Variants in FAF1 observed in about 807,000 individuals in gnomAD.
FAF1 encodes FAS-associated factor 1.
In FAF1, 25 loss-of-function variants were observed where a neutral mutation model predicts 92.5. The ratio of observed to expected loss-of-function variants is 0.27; its 90% CI spans 0.20 to 0.38. The LOEUF (loss-of-function observed/expected upper bound fraction) is 0.38. Ranked by LOEUF, FAF1 falls within the 10% of genes least tolerant of loss-of-function variation. The probability of loss-of-function intolerance (pLI) is 1.00; values close to 1 mark genes in which losing one functional copy is unlikely to be tolerated. For synonymous variants in FAF1, 234 were observed against 273.2 expected, an observed-to-expected ratio of 0.86 and a Z score of 1.42; for missense variants, 636 against 793.3, an observed-to-expected ratio of 0.80 and a Z score of 2.38.
intron 18 of FAF1, among the ~76,000 whole-genome samples, chr1:50,457,095 T>C (rs754921558): frequency 6.7e-6 from 1 of 148,828 alleles, no homozygotes; most frequent in East Asian, 2.0e-4. Context: ...AATGCATGCA[T>C]GAGGAAGGCT....
At chr1:50,621,325 T>C (rs1454257271) in intron 8 of FAF1, among the ~76,000 whole-genome samples, 1 of 150,764 alleles carries the variant, frequency 6.6e-6, no homozygotes, top group Non-Finnish European at 1.5e-5. Context: ...CAGGAGCCAG[T>C]GAGCAGGAGG....
At chr1:50,894,828 A>G (rs1220169015) in intron 1 of FAF1, among the ~76,000 whole-genome samples, 2 of 152,160 alleles carry the variant, frequency 1.3e-5, no homozygotes, top group Non-Finnish European at 2.9e-5. Context: ...AAATAATAAT[A>G]AAAACACAGC....
chr1:50,738,016 C>CTTCA (rs756347420), intron 6 of FAF1, among the ~76,000 whole-genome samples: 18 of 152,066 alleles, frequency 1.2e-4, no homozygotes, highest in Non-Finnish European at 2.5e-4. Flanking sequence ...GGTCAGTTTG[C>CTTCA]TTCATTAAAC....
intron 2 of FAF1, among the ~76,000 whole-genome samples, chr1:50,814,603 G>A (rs985858379): frequency 3.9e-5 from 6 of 152,108 alleles, no homozygotes; most frequent in African/African-American, 1.4e-4. Context: ...TATGCTAAGC[G>A]AATAGTTAGA....
At chr1:50,584,573 T>C (rs1651135846) in intron 10 of FAF1, 112 bp downstream of exon 10, 2 of 1,005,342 alleles carry the variant, frequency 2.0e-6, no homozygotes, top group African/African-American at 3.3e-5. Context: ...TATTATCTTA[T>C]CTCCTCAAAC....
At chr1:50,457,884 AG>A (rs1230923302) in intron 18 of FAF1, among the ~76,000 whole-genome samples, 6 of 147,746 alleles carry the variant, frequency 4.1e-5, no homozygotes, top group African/African-American at 7.4e-5. Flanking sequence ...AAAAAAAAAA[AG>A]GTAAAAGTTT....
chr1:50,590,219 T>C (rs1038174409), intron 9 of FAF1, among the ~76,000 whole-genome samples: 1 of 152,250 alleles, frequency 6.6e-6, no homozygotes, highest in African/African-American at 2.4e-5. Flanking sequence ...CATTGGAATT[T>C]TGATACGGAT....
chr1:50,801,280 T>C (rs933935001), intron 3 of FAF1, among the ~76,000 whole-genome samples: 15 of 152,198 alleles, frequency 9.9e-5, no homozygotes, highest in African/African-American at 3.4e-4. Flanking sequence ...GCCTGTATAG[T>C]TAAGTTTGAT....
intron 17 of FAF1, among the ~76,000 whole-genome samples, chr1:50,486,480 C>A (rs1357769565): frequency 1.3e-5 from 2 of 152,082 alleles, no homozygotes; most frequent in Non-Finnish European, 2.9e-5. Flanking sequence ...ACAAAATGCT[C>A]TTCTACTTCA....
At chr1:50,664,607 G>A (rs1019121952) in intron 7 of FAF1, among the ~76,000 whole-genome samples, 3 of 151,996 alleles carry the variant, frequency 2.0e-5, no homozygotes, top group East Asian at 2.0e-4. Context: ...TGGCTAACAC[G>A]GTGAAAACCT....
At chr1:50,691,726 C>T (rs1175184623) in intron 7 of FAF1, among the ~76,000 whole-genome samples, 1 of 152,030 alleles carries the variant, frequency 6.6e-6, no homozygotes, top group Non-Finnish European at 1.5e-5. Context: ...AAGTAGCTGG[C>T]ATTATAGGCA....
At chr1:50,534,068 C>T (rs1161440721) in intron 15 of FAF1, among the ~76,000 whole-genome samples, 1 of 152,126 alleles carries the variant, frequency 6.6e-6, no homozygotes, top group Admixed American at 6.5e-5. Flanking sequence ...GGCTCTCCTA[C>T]CTTCCAGCTT....
At chr1:50,861,084 G>A (rs575782189) in intron 1 of FAF1, among the ~76,000 whole-genome samples, 1 of 151,926 alleles carries the variant, frequency 6.6e-6, no homozygotes, top group Admixed American at 6.6e-5. Context: ...ACTAGAATGG[G>A]GAGAGAGGCA....
chr1:50,704,043 TTA>T (rs1405041438), intron 7 of FAF1, among the ~76,000 whole-genome samples: 3 of 152,168 alleles, frequency 2.0e-5, no homozygotes, highest in African/African-American at 4.8e-5. Flanking sequence ...AATGAATATT[TTA>T]TGTCTTTTTA....
intron 1 of FAF1, among the ~76,000 whole-genome samples, chr1:50,886,415 C>A (rs1353993149): frequency 6.6e-6 from 1 of 152,114 alleles, no homozygotes; most frequent in Non-Finnish European, 1.5e-5. Context: ...TTCTAGGGTA[C>A]ATATGCACAA....
At chr1:50,491,855 A>C (rs1646842350) in intron 15 of FAF1, 54 bp from the exon 16 acceptor site, 1 of 1,393,870 alleles carries the variant, frequency 7.2e-7, no homozygotes, top group African/African-American at 1.5e-5. Flanking sequence ...TTTGAAAAAA[A>C]AGAGAAAAAA....
intron 18 of FAF1, chr1:50,452,237 A>G (rs1404819987): frequency 1.2e-5 from 13 of 1,096,184 alleles, no homozygotes; most frequent in Non-Finnish European, 1.6e-5. Flanking sequence ...GTCCCGCTTT[A>G]CAGAACAATT....
chr1:50,716,200 G>C (rs973347066), intron 6 of FAF1, among the ~76,000 whole-genome samples: 1 of 151,998 alleles, frequency 6.6e-6, no homozygotes, highest in Non-Finnish European at 1.5e-5. Flanking sequence ...CATTTCACAG[G>C]GTACAATAGT....
chr1:50,785,303 G>A (rs1471791987), intron 4 of FAF1, among the ~76,000 whole-genome samples: 1 of 151,950 alleles, frequency 6.6e-6, no homozygotes, highest in African/African-American at 2.4e-5. Context: ...AAATTAAAAA[G>A]CTTCTGCACA....
Sources: allele counts gnomAD v4.1 joint callset (sites outside exome capture counted in the v4.1 genomes callset), GRCh38; gene constraint gnomAD v4.1.1; transcripts MANE v1.5; gene names NCBI Gene and HGNC (gene_info 2026-07-23, HGNC 2026-07-21).